The following ABLIM1 variants were observed in gnomAD, a reference collection of about 807,000 sequenced individuals.
ABLIM1 encodes the protein actin-binding LIM protein 1.
ABLIM1 carries 40 observed loss-of-function variants against 107.0 expected under a neutral mutation model. That is an observed-to-expected ratio of 0.37 (90% CI 0.29 to 0.49). The LOEUF (loss-of-function observed/expected upper bound fraction) is 0.49. ABLIM1 is among the 20% of genes least tolerant of loss of function. The pLI is 0.97. For synonymous variants in ABLIM1, 357 were observed against 357.3 expected, an observed-to-expected ratio of 1.00 and a Z score of 0.01; for missense variants, 857 against 1,008.5, an observed-to-expected ratio of 0.85 and a Z score of 2.04.
At chr10:114,589,502 C>T (rs112398549) in intron 2 of ABLIM1, among the ~76,000 whole-genome samples, 1,746 of 150,480 alleles carry the variant, frequency 0.012, 29 homozygotes, top group African/African-American at 0.041. Context: ...GCACTCCAGC[C>T]TGGGCAATAG....
intron 4 of ABLIM1, among the ~76,000 whole-genome samples, chr10:114,549,707 C>G (rs769635333): frequency 6.6e-6 from 1 of 152,060 alleles, no homozygotes. Context: ...TGGAAATAGG[C>G]TATATGGACC....
chr10:114,473,130 T>G lies in ABLIM1; in HGVS notation c.1122A>C (p.Ala374=), dbSNP rs1382701652. ...AATCCAGGATCTCATTGTCTACTTT[T>G]GCCTGGCAAAGTTAACCAGAAAGAA... ...IPGSPGHTIY[A]KVDNEILDYK... Residue 374 remains alanine (A), a splice_region_variant and synonymous_variant, in exon 10 of 23, where the codon GCA becomes GCC. Coordinates refer to ENST00000533213, the MANE Select transcript of ABLIM1 (RefSeq NM_002313.7). The G allele has an allele frequency of 3.5e-5, 57 of 1,607,468 alleles. No homozygotes were observed. Among genetic ancestry groups the G allele is most frequent in the Non-Finnish European group, 4.8e-5 (57 of 1,176,240 alleles).
the ABLIM1 span, among the ~76,000 whole-genome samples, chr10:114,788,723 G>A: frequency 6.6e-6 from 1 of 151,552 alleles, no homozygotes; most frequent in Non-Finnish European, 1.5e-5. Context: ...GTGGGACTCC[G>A]TCTCAAAAAA....
chr10:114,549,830 G>A (rs1182156544), intron 4 of ABLIM1, among the ~76,000 whole-genome samples: 6 of 152,086 alleles, frequency 3.9e-5, no homozygotes, highest in African/African-American at 1.4e-4. Context: ...GTTCAAAATA[G>A]ATCAAGTAAA....
intron 1 of ABLIM1, among the ~76,000 whole-genome samples, chr10:114,624,791 A>G (rs960822631): frequency 1.3e-5 from 2 of 151,242 alleles, no homozygotes; most frequent in African/African-American, 4.9e-5. Context: ...TTTTTTAAAC[A>G]TGTGAAATCC....
chr10:114,543,276 C>T (rs1225392122), intron 6 of ABLIM1, among the ~76,000 whole-genome samples: 1 of 152,176 alleles, frequency 6.6e-6, no homozygotes, highest in Non-Finnish European at 1.5e-5. Flanking sequence ...ATTTTCATCA[C>T]CCCAAAAGGA....
chr10:114,654,678 A>G (rs2079413066), intron 1 of ABLIM1, among the ~76,000 whole-genome samples: 1 of 152,120 alleles, frequency 6.6e-6, no homozygotes, highest in Non-Finnish European at 1.5e-5. Flanking sequence ...CCCTGCCCTA[A>G]CCCCATTCCT....
chr10:114,703,052 C>T (rs2141860114), intron 1 of ABLIM1, among the ~76,000 whole-genome samples: 1 of 152,158 alleles, frequency 6.6e-6, no homozygotes, highest in South Asian at 2.1e-4. Flanking sequence ...ATTTGGAAAC[C>T]TCTTAATAGG....
intron 6 of ABLIM1, among the ~76,000 whole-genome samples, chr10:114,544,417 T>G (rs2137491381): frequency 6.6e-6 from 1 of 152,308 alleles, no homozygotes; most frequent in South Asian, 2.1e-4. Flanking sequence ...GAAGCCTGTG[T>G]GGCGGCTGCT....
chr10:114,751,643 G>A (rs887790562), intron 1 of ABLIM1, among the ~76,000 whole-genome samples: 14 of 151,708 alleles, frequency 9.2e-5, no homozygotes, highest in Admixed American at 2.0e-4. Flanking sequence ...CCAGCTACTC[G>A]GGAGGCTGAG....
At chr10:114,634,350 T>C (rs374868736) in intron 1 of ABLIM1, among the ~76,000 whole-genome samples, 277 of 151,288 alleles carry the variant, frequency 1.8e-3, no homozygotes, top group African/African-American at 6.3e-3. Flanking sequence ...GCCAGGATGG[T>C]CTCGATCTCC....
intron 16 of ABLIM1, among the ~76,000 whole-genome samples, 159 bp from the exon 17 acceptor site, chr10:114,444,293 T>C (rs2060692834): frequency 1.3e-5 from 2 of 152,044 alleles, no homozygotes; most frequent in African/African-American, 4.8e-5. Flanking sequence ...CCTGAAGAGG[T>C]AGGTCAAGTT....
chr10:114,579,916 T>C (rs1184352188), intron 2 of ABLIM1, among the ~76,000 whole-genome samples: 7 of 152,356 alleles, frequency 4.6e-5, no homozygotes, highest in African/African-American at 1.7e-4. Flanking sequence ...GTTCTTTAAA[T>C]GTCATACTGG....
At chr10:114,647,540 T>C (rs369911471) in intron 1 of ABLIM1, among the ~76,000 whole-genome samples, 6 of 152,208 alleles carry the variant, frequency 3.9e-5, no homozygotes, top group African/African-American at 1.4e-4. Context: ...AAAATGACCT[T>C]ACAAAATGAT....
chr10:114,633,684 G>A (rs2078314684), intron 1 of ABLIM1, among the ~76,000 whole-genome samples: 1 of 152,154 alleles, frequency 6.6e-6, no homozygotes, highest in African/African-American at 2.4e-5. Flanking sequence ...TCGACTTCCA[G>A]TCCAGAGGGA....
intron 1 of ABLIM1, among the ~76,000 whole-genome samples, chr10:114,675,947 C>CT (rs1384862333): frequency 6.6e-6 from 1 of 152,154 alleles, no homozygotes; most frequent in African/African-American, 2.4e-5. Flanking sequence ...CCAAATTTCC[C>CT]TTTTTTTAAC....
chr10:114,441,557 G>T (rs541564374), intron 18 of ABLIM1, among the ~76,000 whole-genome samples, 165 bp downstream of exon 18: 27 of 151,742 alleles, frequency 1.8e-4, no homozygotes, highest in Non-Finnish European at 3.1e-4. Flanking sequence ...ATTTTATTTT[G>T]CCTGTAACTC....
intron 9 of ABLIM1, 132 bp from the exon 10 acceptor site, chr10:114,473,264 A>T: frequency 1.2e-6 from 1 of 810,568 alleles, no homozygotes; most frequent in Admixed American, 2.7e-5. Flanking sequence ...CTTGCCTAAC[A>T]CAGTTATACT....
rs567968551 is a variant in ABLIM1 at position 114,760,862 on chromosome 10, A to G, written c.-213+7199T>C. ...TCTGTTTATTGAATCAGAACCATTT[A>G]TTTTAAATGCAAAAAAGAACTTCCA... is the stretch of plus-strand genomic sequence containing the variant. On this transcript the variant is annotated intron_variant, in intron 1 of 15. Coordinates refer to the ABLIM1 transcript ENST00000651092. Among the ~76,000 whole-genome samples the G allele has an allele frequency of 2.6e-5, 4 of 152,330 alleles. No homozygotes were observed. In the East Asian group the frequency reaches 7.7e-4, roughly 29 times the overall value.
Sources: allele counts gnomAD v4.1 joint callset (sites outside exome capture counted in the v4.1 genomes callset), GRCh38; gene constraint gnomAD v4.1.1; transcripts MANE v1.5; gene names NCBI Gene and HGNC (gene_info 2026-07-23, HGNC 2026-07-21).